CCBE1: variants seen among roughly 807,000 people sequenced by gnomAD.
CCBE1 encodes collagen and calcium binding EGF domains 1, also known as collagen and calcium-binding EGF domain-containing protein 1.
A neutral mutation model predicts 50.0 loss-of-function variants in CCBE1; 37 were observed. The ratio of observed to expected loss-of-function variants is 0.74; its 90% CI spans 0.57 to 0.97. CCBE1 has a LOEUF of 0.97. Ranked by LOEUF, CCBE1 falls within the 50% of genes least tolerant of loss-of-function variation. CCBE1 has a pLI of 0.00. For missense variants in CCBE1, 538 were observed against 523.8 expected, an observed-to-expected ratio of 1.03 and a Z score of -0.26; for synonymous variants, 234 against 203.7, an observed-to-expected ratio of 1.15 and a Z score of -1.27.
Position 59,642,948 on chromosome 18 carries a change from CAAAAAA to C in CCBE1, c.212+53675_212+53680del, listed in dbSNP as rs10683687. On this transcript the variant is annotated intron_variant, in intron 2 of 10. Coordinates refer to ENST00000439986, the MANE Select transcript of CCBE1 (RefSeq NM_133459.4). Reference sequence around the variant, plus strand: ...CTGGCAACAGAGTGAGACTCCACCTCAAAAAAAAAAAAAAAAAAAAAATTACAATGA... The same window carrying C: ...CTGGCAACAGAGTGAGACTCCACCTCAAAAAAAAAAAAAAAATTACAATGA... Among the ~76,000 whole-genome samples, 4 of 94,198 alleles carry C rather than the reference CAAAAAA, an allele frequency of 4.2e-5. No homozygotes were observed. In the East Asian group the frequency reaches 1.2e-3, roughly 29 times the overall value. The allele number at this position is 94,198 out of a possible 152,430, so 61.8% of individuals were successfully genotyped here.
chr18:59,667,696 A>T (rs2054374984), intron 2 of CCBE1, among the ~76,000 whole-genome samples: 1 of 152,184 alleles, frequency 6.6e-6, no homozygotes, highest in Non-Finnish European at 1.5e-5. Flanking sequence ...CACTGGCTGT[A>T]CCCAACAGAA....
rs180716244 is a variant in CCBE1, at chr18:59,619,621, T to G, written c.212+77008A>C. Among the ~76,000 whole-genome samples the G allele has an allele frequency of 4.9e-3, 752 of 152,374 alleles. 4 individuals are homozygous for G. The highest frequency in any genetic ancestry group is 8.4e-3 in the Non-Finnish European group (571 of 68,048). On this transcript the variant is annotated intron_variant, in intron 2 of 10. Transcript: ENST00000439986. ...CCGGCTCCATTTAACTGTACTCATT[T>G]TAGCCAACAAAGACTTAATTTTAAA...
intron 2 of CCBE1, among the ~76,000 whole-genome samples, chr18:59,596,711 C>A (rs370520471): frequency 3.9e-5 from 6 of 152,174 alleles, no homozygotes; most frequent in African/African-American, 7.2e-5. Context: ...TCCTGAGAAA[C>A]CTTCTGTCCA....
At chr18:59,601,377 A>T (rs9956292) in intron 2 of CCBE1, among the ~76,000 whole-genome samples, 53,306 of 151,564 alleles carry the variant, frequency 0.35, 9,638 homozygotes, top group East Asian at 0.58. Flanking sequence ...GTCTCACGAG[A>T]TCTGATGGTT....
intron 2 of CCBE1, among the ~76,000 whole-genome samples, chr18:59,487,207 T>C (rs992395253): frequency 2.0e-5 from 3 of 150,578 alleles, no homozygotes; most frequent in African/African-American, 4.9e-5. Flanking sequence ...AGAACCCAAT[T>C]TGCATAATTT....
intron 2 of CCBE1, among the ~76,000 whole-genome samples, chr18:59,623,848 A>G (rs1486418423): frequency 6.6e-6 from 1 of 152,208 alleles, no homozygotes; most frequent in Non-Finnish European, 1.5e-5. Flanking sequence ...TTGCAATAAA[A>G]AAACACAAGC....
chr18:59,675,037 C>G (rs1372866756), intron 2 of CCBE1, among the ~76,000 whole-genome samples: 5 of 152,088 alleles, frequency 3.3e-5, no homozygotes, highest in African/African-American at 1.2e-4. Flanking sequence ...TTATCTTTAT[C>G]GACCATGGCT....
intron 2 of CCBE1, among the ~76,000 whole-genome samples, chr18:59,627,856 G>A (rs1437548073): frequency 6.6e-6 from 1 of 152,172 alleles, no homozygotes; most frequent in African/African-American, 2.4e-5. Flanking sequence ...CCTTAAGTTT[G>A]TTACAGCAAA....
chr18:59,465,417 A>G (rs2143716045), intron 5 of CCBE1: 1 of 152,160 alleles, frequency 6.6e-6, no homozygotes, highest in Admixed American at 6.5e-5. Context: ...GAACTCAAAT[A>G]AGGAAATAAC....
intron 2 of CCBE1, among the ~76,000 whole-genome samples, chr18:59,629,942 G>A (rs990302765): frequency 6.6e-6 from 1 of 152,196 alleles, no homozygotes; most frequent in African/African-American, 2.4e-5. Flanking sequence ...GCAAGGCTCT[G>A]AAGAATGGAC....
At chr18:59,638,720 A>G (rs1040674324) in intron 2 of CCBE1, among the ~76,000 whole-genome samples, 3 of 152,252 alleles carry the variant, frequency 2.0e-5, no homozygotes, top group Admixed American at 6.5e-5. Context: ...AAACACACAC[A>G]CATAGCCCAG....
At chr18:59,486,879 A>G (rs1042762862) in intron 2 of CCBE1, among the ~76,000 whole-genome samples, 9 of 151,918 alleles carry the variant, frequency 5.9e-5, no homozygotes, top group Non-Finnish European at 1.0e-4. Flanking sequence ...AAACCTACCT[A>G]TTTATTTATT....
intron 2 of CCBE1, among the ~76,000 whole-genome samples, chr18:59,522,130 T>A (rs1346955476): frequency 6.6e-6 from 1 of 152,104 alleles, no homozygotes; most frequent in African/African-American, 2.4e-5. Flanking sequence ...ACTTTTCTTT[T>A]TTTTTTTTTG....
chr18:59,591,325 T>G (rs555477230), intron 2 of CCBE1, among the ~76,000 whole-genome samples: 5 of 136,232 alleles, frequency 3.7e-5, no homozygotes, highest in Non-Finnish European at 8.1e-5. Flanking sequence ...ATGCAACTGT[T>G]AAAAAGAATA....
chr18:59,669,875 G>C, intron 2 of CCBE1, among the ~76,000 whole-genome samples: 1 of 152,226 alleles, frequency 6.6e-6, no homozygotes, highest in African/African-American at 2.4e-5. Context: ...CCATGGGGTT[G>C]TTGTGTAAAT....
At chr18:59,549,826 G>A (rs1440615291) in intron 2 of CCBE1, among the ~76,000 whole-genome samples, 1 of 152,182 alleles carries the variant, frequency 6.6e-6, no homozygotes, top group Non-Finnish European at 1.5e-5. Context: ...AATAGGCATG[G>A]GGTAAAGAGT....
chr18:59,624,593 G>A (rs891315), intron 2 of CCBE1, among the ~76,000 whole-genome samples: 15,804 of 152,168 alleles, frequency 0.1, 857 homozygotes, highest in East Asian at 0.15. Flanking sequence ...TTGCTATGAC[G>A]GTGGTGGCCA....
intron 2 of CCBE1, among the ~76,000 whole-genome samples, chr18:59,645,127 G>A (rs549776815): frequency 2.6e-5 from 4 of 152,084 alleles, no homozygotes; most frequent in Non-Finnish European, 4.4e-5. Flanking sequence ...GGTGGCACAC[G>A]CCTGTAATCC....
At chr18:59,625,528 GA>G in intron 2 of CCBE1, among the ~76,000 whole-genome samples, 1 of 151,618 alleles carries the variant, frequency 6.6e-6, no homozygotes, top group Non-Finnish European at 1.5e-5. Context: ...CTGTATTAGA[GA>G]AAAATTAAAA....
Sources: gnomAD v4.1 joint callset for allele counts (sites outside exome capture counted in the v4.1 genomes callset) on GRCh38, gnomAD v4.1.1 for gene constraint, MANE v1.5 for transcripts, NCBI Gene and HGNC (gene_info 2026-07-23, HGNC 2026-07-21) for gene names.